SORCS3: variants seen among roughly 807,000 people sequenced by gnomAD.
SORCS3 encodes the protein VPS10 domain-containing receptor SorCS3.
Under a neutral mutation model 146.3 loss-of-function variants are expected in SORCS3, and 57 were observed. The observed-to-expected ratio is 0.39, with a 90% CI of 0.31 to 0.49. SORCS3 has a LOEUF of 0.49. Among genes scored for constraint, SORCS3 ranks in the 20% least tolerant of loss-of-function variants. The pLI is 0.92. For synonymous variants in SORCS3, 653 were observed against 618.5 expected (o/e 1.06, Z -0.83); for missense variants, 1,341 against 1,575.5 (o/e 0.85, Z 2.52).
chr10:105,002,643 G>A (rs1258868770), intron 4 of SORCS3, among the ~76,000 whole-genome samples: 1 of 152,202 alleles, frequency 6.6e-6, no homozygotes, highest in Non-Finnish European at 1.5e-5. Context: ...GTAGCCCCAT[G>A]TGACTGGTTA....
At chr10:105,224,316 T>G (rs1177325569) in intron 20 of SORCS3, among the ~76,000 whole-genome samples, 1 of 152,210 alleles carries the variant, frequency 6.6e-6, no homozygotes, top group African/African-American at 2.4e-5. Context: ...TTCCAGAATG[T>G]CATATAGTTG....
At chr10:105,170,158 A>G (rs1189714576) in intron 13 of SORCS3, among the ~76,000 whole-genome samples, 1 of 152,174 alleles carries the variant, frequency 6.6e-6, no homozygotes, top group African/African-American at 2.4e-5. Flanking sequence ...GTTTTGTCAA[A>G]TATTGGCATC....
chr10:104,810,594 T>A (rs2017729242), intron 1 of SORCS3, among the ~76,000 whole-genome samples: 1 of 152,238 alleles, frequency 6.6e-6, no homozygotes, highest in African/African-American at 2.4e-5. Flanking sequence ...AATAATGCTT[T>A]ATGACCTTCC....
chr10:105,234,583 T>C (rs2056782528), intron 20 of SORCS3, among the ~76,000 whole-genome samples: 1 of 152,010 alleles, frequency 6.6e-6, no homozygotes, highest in Non-Finnish European at 1.5e-5. Context: ...TTTTTGCTTT[T>C]CAGTTTTGGC....
intron 2 of SORCS3, among the ~76,000 whole-genome samples, chr10:104,873,210 A>C (rs2018536880): frequency 6.6e-6 from 1 of 152,268 alleles, no homozygotes; most frequent in African/African-American, 2.4e-5. Context: ...GAAATGCAGT[A>C]AGGAATGCAG....
intron 17 of SORCS3, among the ~76,000 whole-genome samples, chr10:105,213,937 T>A (rs1415665596): frequency 6.6e-6 from 1 of 152,126 alleles, no homozygotes; most frequent in Non-Finnish European, 1.5e-5. Context: ...GAAGGAATGA[T>A]GCCCTGGAGG....
intron 1 of SORCS3, among the ~76,000 whole-genome samples, chr10:104,808,231 A>C (rs1343473183): frequency 6.6e-6 from 1 of 152,226 alleles, no homozygotes; most frequent in Non-Finnish European, 1.5e-5. Flanking sequence ...GGTGAAGGAC[A>C]TCAGAGTGGA....
At chr10:105,172,390 T>C (rs1025314560) in intron 13 of SORCS3, among the ~76,000 whole-genome samples, 3 of 152,220 alleles carry the variant, frequency 2.0e-5, no homozygotes, top group Non-Finnish European at 1.5e-5. Flanking sequence ...CTTATATTCT[T>C]ATCCACAAAT....
intron 7 of SORCS3, among the ~76,000 whole-genome samples, chr10:105,106,769 C>A (rs1426048344): frequency 1.3e-5 from 2 of 152,160 alleles, no homozygotes; most frequent in Non-Finnish European, 2.9e-5. Flanking sequence ...TCAAAAATCC[C>A]TGTTTTTTAG....
In SORCS3 at chr10:105,143,223, C is replaced by T. The variant is rs115730980; in HGVS notation, c.1302+3737C>T. Among the ~76,000 whole-genome samples, 1,303 of 152,266 alleles carry T rather than the reference C, an allele frequency of 8.6e-3. 16 individuals are homozygous for T. The highest frequency in any genetic ancestry group is 0.03 in the African/African-American group (1,227 of 41,550). On this transcript the variant is annotated intron_variant, in intron 8 of 26. Coordinates refer to ENST00000369701, the MANE Select transcript of SORCS3 (RefSeq NM_014978.3). Reference sequence around the variant, plus strand: ...TTGATACTGATGAAAATAATCCATACTTGATACTCTTCCCTTTGGTAGTTT... The same window carrying T: ...TTGATACTGATGAAAATAATCCATATTTGATACTCTTCCCTTTGGTAGTTT...
At chr10:104,736,024 CATTT>C (rs2016767525) in intron 1 of SORCS3, among the ~76,000 whole-genome samples, 1 of 152,128 alleles carries the variant, frequency 6.6e-6, no homozygotes, top group South Asian at 2.1e-4. Context: ...CAGTTGAACT[CATTT>C]TCTCTTTCAT....
At chr10:105,228,026 T>C (rs2056744227) in intron 20 of SORCS3, among the ~76,000 whole-genome samples, 2 of 150,458 alleles carry the variant, frequency 1.3e-5, no homozygotes, top group African/African-American at 4.9e-5. Flanking sequence ...TGTGTGTGTG[T>C]GTGTGTGTAT....
chr10:104,919,947 C>T (rs533266436), intron 3 of SORCS3, among the ~76,000 whole-genome samples: 1 of 152,302 alleles, frequency 6.6e-6, no homozygotes, highest in South Asian at 2.1e-4. Flanking sequence ...TAAAAATACT[C>T]TTATTTGTTC....
chr10:105,127,697 C>T (rs1489048730), intron 7 of SORCS3, among the ~76,000 whole-genome samples: 1 of 151,910 alleles, frequency 6.6e-6, no homozygotes, highest in Non-Finnish European at 1.5e-5. Context: ...AGCAAGAGAC[C>T]CCAAAAGGAC....
chr10:104,894,993 C>G (rs908213717), intron 2 of SORCS3, among the ~76,000 whole-genome samples: 4 of 152,134 alleles, frequency 2.6e-5, no homozygotes, highest in African/African-American at 4.8e-5. Flanking sequence ...ACCAGAGGAG[C>G]AGCCATATGC....
At chr10:104,706,859 C>T (rs1300496917) in intron 1 of SORCS3, among the ~76,000 whole-genome samples, 2 of 152,082 alleles carry the variant, frequency 1.3e-5, no homozygotes, top group Non-Finnish European at 2.9e-5. Context: ...TTCTTCTAAA[C>T]GTGAGAAGAA....
intron 1 of SORCS3, among the ~76,000 whole-genome samples, chr10:104,839,076 C>T (rs915706513): frequency 6.6e-6 from 1 of 152,154 alleles, no homozygotes; most frequent in African/African-American, 2.4e-5. Context: ...CTGTGATTTA[C>T]CAACACAATA....
intron 1 of SORCS3, among the ~76,000 whole-genome samples, chr10:104,809,318 C>T (rs949438259): frequency 6.6e-6 from 1 of 152,182 alleles, no homozygotes; most frequent in African/African-American, 2.4e-5. Flanking sequence ...ATGCCCATGC[C>T]AGCTAACTGG....
chr10:105,130,014 G>C (rs545174324), intron 7 of SORCS3, among the ~76,000 whole-genome samples: 2 of 152,252 alleles, frequency 1.3e-5, no homozygotes, highest in African/African-American at 4.8e-5. Context: ...TAAGATGTTA[G>C]ACTGGTGCAG....
Sources: gnomAD v4.1 joint callset for allele counts (sites outside exome capture counted in the v4.1 genomes callset) on GRCh38, gnomAD v4.1.1 for gene constraint, MANE v1.5 for transcripts, NCBI Gene and HGNC (gene_info 2026-07-23, HGNC 2026-07-21) for gene names.